The following KHDRBS2 variants were observed in gnomAD, a reference collection of about 807,000 sequenced individuals.
KHDRBS2 encodes the protein KH RNA binding domain containing, signal transduction associated 2.
Under a neutral mutation model 44.3 loss-of-function variants are expected in KHDRBS2, and 26 were observed. The ratio of observed to expected loss-of-function variants is 0.59; its 90% CI spans 0.43 to 0.81. The LOEUF is 0.81. Among genes scored for constraint, KHDRBS2 ranks in the 40% least tolerant of loss-of-function variants. The pLI is 0.00. For missense variants in KHDRBS2, 476 were observed against 433.1 expected (o/e 1.10, Z -0.88); for synonymous variants, 194 against 151.1 (o/e 1.28, Z -2.08).
At chr6:61,604,414 C>T in the KHDRBS2 span, among the ~76,000 whole-genome samples, 5 of 152,202 alleles carry the variant, frequency 3.3e-5, no homozygotes, top group Non-Finnish European at 5.9e-5. Flanking sequence ...CTCCCACCTA[C>T]TCCACCACTG....
At chr6:61,797,723 TTTTGTGTGTGTGTGTGTGTGTG>T (rs1335283392) in intron 6 of KHDRBS2, among the ~76,000 whole-genome samples, 2 of 130,316 alleles carry the variant, frequency 1.5e-5, no homozygotes, top group East Asian at 2.2e-4. Flanking sequence ...CAGTATGGTG[TTTTGTGTGTGTGTGTGTGTGTG>T]TGTGTGTGTG....
At chr6:61,697,647 T>C (rs1561982744) in intron 7 of KHDRBS2, among the ~76,000 whole-genome samples, 1 of 152,180 alleles carries the variant, frequency 6.6e-6, no homozygotes, top group Non-Finnish European at 1.5e-5. Flanking sequence ...TGCATCATTT[T>C]TTCACTTTGA....
At chr6:61,660,841 G>C in the KHDRBS2 span, among the ~76,000 whole-genome samples, 1 of 151,738 alleles carries the variant, frequency 6.6e-6, no homozygotes, top group East Asian at 1.9e-4. Flanking sequence ...GCAAAGGCTC[G>C]ATAAAGAGCC....
chr6:62,050,336 T>C (rs1217673711), intron 2 of KHDRBS2, among the ~76,000 whole-genome samples: 1 of 151,556 alleles, frequency 6.6e-6, no homozygotes. Flanking sequence ...CTAATGTAGA[T>C]GATGTGTTGA....
chr6:61,863,129 T>C (rs1797248650), intron 6 of KHDRBS2, among the ~76,000 whole-genome samples: 1 of 152,090 alleles, frequency 6.6e-6, no homozygotes, highest in African/African-American at 2.4e-5. Flanking sequence ...TCAGTGACAA[T>C]ATCCCCCTTA....
At chr6:61,854,185 G>A (rs1562307196) in intron 6 of KHDRBS2, among the ~76,000 whole-genome samples, 1 of 152,028 alleles carries the variant, frequency 6.6e-6, no homozygotes, top group Non-Finnish European at 1.5e-5. Flanking sequence ...TTGCTCCATG[G>A]CAATTTCATC....
chr6:61,555,542 T>C, the KHDRBS2 span, among the ~76,000 whole-genome samples: 1 of 152,310 alleles, frequency 6.6e-6, no homozygotes, highest in South Asian at 2.1e-4. Context: ...AGAAAAATTG[T>C]TGGGGAACTT....
the KHDRBS2 span, among the ~76,000 whole-genome samples, chr6:61,569,584 T>C: frequency 6.6e-6 from 1 of 152,130 alleles, no homozygotes; most frequent in Non-Finnish European, 1.5e-5. Context: ...CAGAGGTCCA[T>C]GCGACAACTT....
chr6:62,213,241 G>C (rs1352567025), intron 1 of KHDRBS2, among the ~76,000 whole-genome samples: 9 of 152,050 alleles, frequency 5.9e-5, no homozygotes, highest in Non-Finnish European at 1.3e-4. Context: ...TCATTGAGAT[G>C]ATTATTTGAG....
At chr6:62,023,750 A>C (rs1782763069) in intron 3 of KHDRBS2, among the ~76,000 whole-genome samples, 1 of 151,480 alleles carries the variant, frequency 6.6e-6, no homozygotes, top group Non-Finnish European at 1.5e-5. Flanking sequence ...ATTATATGTA[A>C]TATGAAAGAA....
intron 6 of KHDRBS2, among the ~76,000 whole-genome samples, chr6:61,833,951 C>A (rs1792246908): frequency 6.6e-6 from 1 of 151,916 alleles, no homozygotes; most frequent in Non-Finnish European, 1.5e-5. Context: ...TATGCAACAG[C>A]CAGAATTAGA....
At chr6:61,922,591 A>T (rs1808264127) in intron 4 of KHDRBS2, among the ~76,000 whole-genome samples, 1 of 152,112 alleles carries the variant, frequency 6.6e-6, no homozygotes, top group Admixed American at 6.6e-5. Context: ...CACTGCACTC[A>T]CAGGGAACCA....
intron 3 of KHDRBS2, among the ~76,000 whole-genome samples, chr6:62,015,192 C>T (rs1780996912): frequency 6.6e-6 from 1 of 152,058 alleles, no homozygotes; most frequent in Admixed American, 6.6e-5. Context: ...AGGTAGTATA[C>T]TTATAGATTA....
At chr6:61,648,824 G>A in the KHDRBS2 span, among the ~76,000 whole-genome samples, 27 of 152,156 alleles carry the variant, frequency 1.8e-4, no homozygotes, top group African/African-American at 5.1e-4. Flanking sequence ...TTTATAACAC[G>A]TCAGATTTAG....
intron 6 of KHDRBS2, among the ~76,000 whole-genome samples, chr6:61,854,609 C>A (rs1795903018): frequency 6.6e-6 from 1 of 152,074 alleles, no homozygotes; most frequent in Admixed American, 6.6e-5. Context: ...CTATTTTACG[C>A]CTACAACTTG....
chr6:61,561,761 C>T, the KHDRBS2 span, among the ~76,000 whole-genome samples: 2 of 152,108 alleles, frequency 1.3e-5, no homozygotes, highest in African/African-American at 4.8e-5. Context: ...CCTCTCTGGC[C>T]CAGGATAGGT....
At chr6:62,235,016 T>C (rs1833477550) in intron 1 of KHDRBS2, among the ~76,000 whole-genome samples, 1 of 151,668 alleles carries the variant, frequency 6.6e-6, no homozygotes, top group Admixed American at 6.6e-5. Flanking sequence ...CCAAAACTTA[T>C]TCTATTAAAT....
the KHDRBS2 span, among the ~76,000 whole-genome samples, chr6:61,581,954 TA>T: frequency 6.6e-6 from 1 of 151,754 alleles, no homozygotes; most frequent in Non-Finnish European, 1.5e-5. Context: ...TAGACATAAG[TA>T]ACAAGGGTGT....
At chr6:61,763,360 T>G (rs1214409673) in intron 6 of KHDRBS2, among the ~76,000 whole-genome samples, 1 of 152,226 alleles carries the variant, frequency 6.6e-6, no homozygotes, top group Non-Finnish European at 1.5e-5. Flanking sequence ...TAACTCTAAC[T>G]TGTATACTGT....
Sources: gnomAD v4.1 joint callset for allele counts (sites outside exome capture counted in the v4.1 genomes callset) on GRCh38, gnomAD v4.1.1 for gene constraint, MANE v1.5 for transcripts, NCBI Gene and HGNC (gene_info 2026-07-23, HGNC 2026-07-21) for gene names.